GRM7: variants seen among roughly 807,000 people sequenced by gnomAD.
GRM7 encodes glutamate metabotropic receptor 7.
A neutral mutation model predicts 84.5 loss-of-function variants in GRM7; 35 were observed. That is an observed-to-expected ratio of 0.41 (90% CI 0.32 to 0.55). The LOEUF (loss-of-function observed/expected upper bound fraction) is 0.55. Ranked by LOEUF, GRM7 falls within the 20% of genes least tolerant of loss-of-function variation. The probability of loss-of-function intolerance (pLI) is 0.19; values close to 1 mark genes in which losing one functional copy is unlikely to be tolerated. For synonymous variants in GRM7, 487 were observed against 455.1 expected, an observed-to-expected ratio of 1.07 and a Z score of -0.89; for missense variants, 1,003 against 1,194.6, an observed-to-expected ratio of 0.84 and a Z score of 2.36.
intron 1 of GRM7, among the ~76,000 whole-genome samples, chr3:6,883,137 A>G (rs148646122): frequency 3.7e-4 from 57 of 152,216 alleles, no homozygotes; most frequent in African/African-American, 1.4e-3. Context: ...CATGATTCTA[A>G]CTATATTTCT....
chr3:7,337,424 T>C (rs934494493), intron 4 of GRM7, among the ~76,000 whole-genome samples: 1 of 151,900 alleles, frequency 6.6e-6, no homozygotes, highest in Non-Finnish European at 1.5e-5. Context: ...GGACTTAATT[T>C]AGCAAAAAAG....
At chr3:7,124,395 T>G (rs1397208809) in intron 1 of GRM7, among the ~76,000 whole-genome samples, 1 of 152,014 alleles carries the variant, frequency 6.6e-6, no homozygotes, top group Non-Finnish European at 1.5e-5. Context: ...AATCCCAGAT[T>G]CTCAGGAAGT....
intron 4 of GRM7, among the ~76,000 whole-genome samples, chr3:7,369,949 A>T (rs908187865): frequency 6.6e-6 from 1 of 152,128 alleles, no homozygotes; most frequent in African/African-American, 2.4e-5. Context: ...CCCACAGGTA[A>T]CAGAAATAGC....
At chr3:6,945,861 C>A (rs139984586) in intron 1 of GRM7, among the ~76,000 whole-genome samples, 6,766 of 152,214 alleles carry the variant, frequency 0.044, 177 homozygotes, top group African/African-American at 0.069. Flanking sequence ...TAAATGTCTT[C>A]TTTTGAGAAG....
chr3:7,522,777 C>T (rs1386687378), intron 7 of GRM7, among the ~76,000 whole-genome samples: 6 of 152,102 alleles, frequency 3.9e-5, no homozygotes, highest in South Asian at 2.1e-4. Flanking sequence ...GAAATTTGTA[C>T]GTCAAAGTCC....
rs188323562 is a variant in GRM7 at position 7,657,142 on chromosome 3, G to A, written c.2452-22907G>A. ...TGTTCTTCAGCAGAAATGATGACCT[G>A]AGTATTGTTGCAGAACCCAAAATAC... On this transcript the variant is annotated intron_variant, in intron 8 of 9. Coordinates refer to ENST00000357716, the MANE Select transcript of GRM7 (RefSeq NM_000844.4). Among the ~76,000 whole-genome samples the A allele has an allele frequency of 2.8e-3, 432 of 152,266 alleles. 7 individuals are homozygous for A. Among genetic ancestry groups the A allele is most frequent in the Middle Eastern group, 0.017 (5 of 294 alleles).
At chr3:7,031,518 G>A (rs1483066685) in intron 1 of GRM7, among the ~76,000 whole-genome samples, 1 of 151,932 alleles carries the variant, frequency 6.6e-6, no homozygotes, top group African/African-American at 2.4e-5. Flanking sequence ...CCGGGTTCAT[G>A]CCATTCTCCT....
chr3:7,021,818 C>G (rs888619246), intron 1 of GRM7, among the ~76,000 whole-genome samples: 2 of 152,188 alleles, frequency 1.3e-5, no homozygotes, highest in African/African-American at 4.8e-5. Flanking sequence ...ATGTATAAGA[C>G]ACTGCTTAGG....
intron 5 of GRM7, among the ~76,000 whole-genome samples, chr3:7,433,009 TC>T (rs1206679010): frequency 6.6e-6 from 1 of 151,940 alleles, no homozygotes; most frequent in Non-Finnish European, 1.5e-5. Context: ...AATCCATAGA[TC>T]AAGGAAAGCC....
chr3:7,509,184 G>C (rs1281920602), intron 7 of GRM7, among the ~76,000 whole-genome samples: 1 of 152,092 alleles, frequency 6.6e-6, no homozygotes, highest in Non-Finnish European at 1.5e-5. Flanking sequence ...ACAGGGAGAA[G>C]AGGGTGAGTA....
chr3:7,214,656 T>C (rs1216159132), intron 2 of GRM7, among the ~76,000 whole-genome samples: 2 of 152,258 alleles, frequency 1.3e-5, no homozygotes, highest in African/African-American at 4.8e-5. Flanking sequence ...ATGTTTGTTT[T>C]ATCTCCAGCC....
At chr3:7,723,949 C>T (rs534666169) in intron 9 of GRM7, among the ~76,000 whole-genome samples, 4 of 152,218 alleles carry the variant, frequency 2.6e-5, no homozygotes, top group African/African-American at 7.2e-5. Context: ...TGTTGGAGAG[C>T]CAGTATCCAT....
At chr3:6,982,729 T>C (rs927219921) in intron 1 of GRM7, among the ~76,000 whole-genome samples, 3 of 152,194 alleles carry the variant, frequency 2.0e-5, no homozygotes, top group Non-Finnish European at 4.4e-5. Context: ...ATCATATAAA[T>C]GGAAGCATAT....
chr3:7,481,943 C>G (rs542967727), intron 7 of GRM7, among the ~76,000 whole-genome samples: 1 of 152,292 alleles, frequency 6.6e-6, no homozygotes, highest in East Asian at 1.9e-4. Flanking sequence ...ATCCCCAGCA[C>G]TTTGGGAGGC....
intron 1 of GRM7, among the ~76,000 whole-genome samples, chr3:7,036,138 A>G (rs1022797679): frequency 1.3e-5 from 2 of 152,208 alleles, no homozygotes; most frequent in Admixed American, 6.5e-5. Context: ...AATTGTTCTT[A>G]CAGCCTACAC....
chr3:7,664,839 C>G (rs190194980), intron 8 of GRM7, among the ~76,000 whole-genome samples: 9 of 151,356 alleles, frequency 5.9e-5, no homozygotes, highest in African/African-American at 1.7e-4. Context: ...TTAAGCTCCT[C>G]CCTCCTGCTT....
chr3:7,462,889 G>A (rs112343766), intron 7 of GRM7, among the ~76,000 whole-genome samples: 25 of 152,084 alleles, frequency 1.6e-4, no homozygotes, highest in Admixed American at 6.5e-4. Context: ...AAATGCAAAC[G>A]GCCAAGATCA....
intron 7 of GRM7, among the ~76,000 whole-genome samples, chr3:7,538,911 G>A (rs1046902709): frequency 4.6e-5 from 7 of 152,138 alleles, no homozygotes; most frequent in South Asian, 2.1e-4. Context: ...ATGTGATTTC[G>A]TGCTGGACTG....
At chr3:7,019,520 G>T (rs1045293491) in intron 1 of GRM7, among the ~76,000 whole-genome samples, 2 of 152,128 alleles carry the variant, frequency 1.3e-5, no homozygotes, top group Non-Finnish European at 2.9e-5. Context: ...AATATAGATT[G>T]GCTGAGAAAG....
Sources: allele counts gnomAD v4.1 joint callset (sites outside exome capture counted in the v4.1 genomes callset), GRCh38; gene constraint gnomAD v4.1.1; transcripts MANE v1.5; gene names NCBI Gene and HGNC (gene_info 2026-07-23, HGNC 2026-07-21).